Variants in JAK1 observed in about 807,000 individuals in gnomAD.
JAK1 encodes the protein tyrosine-protein kinase JAK1.
In JAK1, 16 loss-of-function variants were observed where a neutral mutation model predicts 136.6. That is an observed-to-expected ratio of 0.12 (90% CI 0.08 to 0.18). The LOEUF (loss-of-function observed/expected upper bound fraction) is 0.18, where lower values mean the gene tolerates loss of function less well. Ranked by LOEUF, JAK1 falls within the 10% of genes least tolerant of loss-of-function variation. The probability of loss-of-function intolerance (pLI) is 1.00; values close to 1 mark genes in which losing one functional copy is unlikely to be tolerated. For synonymous variants in JAK1, 492 were observed against 519.5 expected, an observed-to-expected ratio of 0.95 and a Z score of 0.72; for missense variants, 859 against 1,450.1, an observed-to-expected ratio of 0.59 and a Z score of 6.62.
chr1:64,867,215 G>A lies in JAK1; in HGVS notation c.648-7C>T. The A allele has an allele frequency of 3.2e-6, 5 of 1,576,026 alleles. No individual in the cohort carries two copies. Among genetic ancestry groups the A allele is most frequent in the Non-Finnish European group, 4.3e-6 (5 of 1,155,982 alleles). ...TGGAATATATCGCTTGTAGCTAAAA[G>A]ACAGTAGAAAAGTACATCTCCTTTT... On this transcript the variant is annotated splice_region_variant and splice_polypyrimidine_tract_variant and intron_variant, in intron 6 of 24. Coordinates refer to ENST00000342505, the MANE Select transcript of JAK1 (RefSeq NM_002227.4).
chr1:65,047,901 T>A (rs1647202522), intron 1 of JAK1, among the ~76,000 whole-genome samples: 1 of 151,668 alleles, frequency 6.6e-6, no homozygotes, highest in Non-Finnish European at 1.5e-5. Flanking sequence ...GTGAAAGAAT[T>A]GAGATAATAC....
intron 1 of JAK1, among the ~76,000 whole-genome samples, chr1:64,950,807 T>C (rs1646071826): frequency 6.6e-6 from 1 of 152,234 alleles, no homozygotes; most frequent in South Asian, 2.1e-4. Context: ...GACTACCTTC[T>C]GTACCATTTT....
At chr1:64,855,445 G>T in intron 11 of JAK1, 64 bp downstream of exon 11, 1 of 1,489,042 alleles carries the variant, frequency 6.7e-7, no homozygotes, top group Non-Finnish European at 9.1e-7. Flanking sequence ...GCGTGTTTTG[G>T]TCGATCTGGG....
At chr1:65,037,642 C>T (rs910522906) in intron 2 of JAK1, among the ~76,000 whole-genome samples, 1 of 152,254 alleles carries the variant, frequency 6.6e-6, no homozygotes, top group East Asian at 1.9e-4. Context: ...GTAGGAAGAT[C>T]GCTTGAGCCC....
chr1:64,883,518 C>T, intron 2 of JAK1, 43 bp from the exon 3 acceptor site: 1 of 1,543,782 alleles, frequency 6.5e-7, no homozygotes, highest in East Asian at 2.2e-5. Flanking sequence ...ACTCTATGTG[C>T]TAAAAGTTCT....
At chr1:64,980,742 G>A (rs1646537674) in intron 2 of JAK1, among the ~76,000 whole-genome samples, 1 of 150,032 alleles carries the variant, frequency 6.7e-6, no homozygotes. Flanking sequence ...CCCCACGACA[G>A]GCCCTGGTGT....
rs1450931655 is a variant in JAK1, at chr1:64,913,305, T to A, written c.-77-26964A>T. On this transcript the variant is annotated intron_variant, in intron 1 of 24. Coordinates refer to ENST00000342505, the MANE Select transcript of JAK1 (RefSeq NM_002227.4). ...AAACATCAGGAACTATTCATAACTA[T>A]GCTGGGAAAATAGGAATAGGCATAT... Among the ~76,000 whole-genome samples, 6 of 152,224 alleles carry A rather than the reference T, an allele frequency of 3.9e-5. No homozygotes were observed. The South Asian group carries it at 1.2e-3, about 32-fold the overall frequency.
At chr1:64,925,352 C>T (rs1376002663) in intron 1 of JAK1, among the ~76,000 whole-genome samples, 1 of 151,858 alleles carries the variant, frequency 6.6e-6, no homozygotes, top group Non-Finnish European at 1.5e-5. Context: ...GCCAAGATTG[C>T]ACCATTGCAC....
At chr1:65,005,786 G>T (rs1306054136) in intron 2 of JAK1, among the ~76,000 whole-genome samples, 1 of 152,160 alleles carries the variant, frequency 6.6e-6, no homozygotes, top group African/African-American at 2.4e-5. Context: ...CAGACTTTTT[G>T]ATGGAACTTG....
chr1:65,030,942 C>T (rs565647760), intron 2 of JAK1, among the ~76,000 whole-genome samples: 6 of 152,000 alleles, frequency 3.9e-5, no homozygotes, highest in Admixed American at 6.5e-5. Flanking sequence ...ATGCTTAAGC[C>T]TAGGAGTTTA....
At chr1:64,932,983 T>C (rs2100460233) in intron 1 of JAK1, among the ~76,000 whole-genome samples, 1 of 152,332 alleles carries the variant, frequency 6.6e-6, no homozygotes, top group South Asian at 2.1e-4. Flanking sequence ...GAAAGAATTA[T>C]ACTTTTAAAA....
intron 1 of JAK1, among the ~76,000 whole-genome samples, chr1:64,917,139 C>T (rs1040496774): frequency 6.6e-6 from 1 of 152,038 alleles, no homozygotes; most frequent in African/African-American, 2.4e-5. Flanking sequence ...TATAAAGCTT[C>T]CAAAAGAGAA....
At chr1:65,025,721 A>G (rs1646972457) in intron 2 of JAK1, among the ~76,000 whole-genome samples, 1 of 152,020 alleles carries the variant, frequency 6.6e-6, no homozygotes, top group Non-Finnish European at 1.5e-5. Context: ...TCTGTCACCC[A>G]GGCTAGAGTG....
chr1:65,028,886 T>A (rs923721243), intron 2 of JAK1, among the ~76,000 whole-genome samples: 1 of 152,110 alleles, frequency 6.6e-6, no homozygotes, highest in African/African-American at 2.4e-5. Context: ...ATTTATCTGA[T>A]AGCAACAAAT....
At chr1:65,043,353 A>T (rs1647152531) in intron 2 of JAK1, among the ~76,000 whole-genome samples, 1 of 152,232 alleles carries the variant, frequency 6.6e-6, no homozygotes, top group African/African-American at 2.4e-5. Context: ...CCTTGGTTAC[A>T]GATTTTCATT....
intron 2 of JAK1, among the ~76,000 whole-genome samples, chr1:64,996,793 A>G (rs920629102): frequency 1.3e-5 from 2 of 152,242 alleles, no homozygotes; most frequent in African/African-American, 4.8e-5. Flanking sequence ...GGATTTTTAG[A>G]CATCAGCTCA....
intron 1 of JAK1, among the ~76,000 whole-genome samples, chr1:64,893,076 A>G (rs1443663146): frequency 6.6e-6 from 1 of 152,132 alleles, no homozygotes; most frequent in Admixed American, 6.6e-5. Context: ...GGAGAGAGGA[A>G]TCTGCTCTCA....
At position 65,067,033 on chromosome 1, in the gene JAK1, A is replaced by G. The variant is rs1040742671; in HGVS notation, c.-181+571T>C. Among the ~76,000 whole-genome samples the G allele has an allele frequency of 2.0e-5, 3 of 152,078 alleles. No individual in the cohort carries two copies. The South Asian group carries it at 6.2e-4, about 31-fold the overall frequency. Reference sequence around the variant, plus strand: ...GCCGCGCAAAACCGCGGAAATGCCCATGGGCGAGGTCGCCCCGCTACCCCT... The same window carrying G: ...GCCGCGCAAAACCGCGGAAATGCCCGTGGGCGAGGTCGCCCCGCTACCCCT... On this transcript the variant is annotated intron_variant, in intron 1 of 25. Transcript: ENST00000671954.
chr1:64,905,023 T>A (rs1056750335), intron 1 of JAK1, among the ~76,000 whole-genome samples: 1 of 152,148 alleles, frequency 6.6e-6, no homozygotes, highest in Non-Finnish European at 1.5e-5. Context: ...AGAGAAAATA[T>A]GGTCACCTAG....
Sources: gnomAD v4.1 joint callset for allele counts (sites outside exome capture counted in the v4.1 genomes callset) on GRCh38, gnomAD v4.1.1 for gene constraint, MANE v1.5 for transcripts, NCBI Gene and HGNC (gene_info 2026-07-23, HGNC 2026-07-21) for gene names.